PRKCE: variants seen among roughly 807,000 people sequenced by gnomAD.
PRKCE encodes protein kinase C epsilon.
In PRKCE, 16 loss-of-function variants were observed where a neutral mutation model predicts 85.4. The observed-to-expected ratio is 0.19, with a 90% CI of 0.13 to 0.28. PRKCE has a LOEUF of 0.28. Ranked by LOEUF, PRKCE falls within the 10% of genes least tolerant of loss-of-function variation. The pLI, the probability that PRKCE is intolerant of heterozygous loss-of-function variation, is 1.00. For missense variants in PRKCE, 573 were observed against 975.2 expected (o/e 0.59, Z 5.49); for synonymous variants, 388 against 371.5 (o/e 1.04, Z -0.51).
At chr2:45,965,910 A>G (rs1017924277) in intron 2 of PRKCE, among the ~76,000 whole-genome samples, 8 of 151,920 alleles carry the variant, frequency 5.3e-5, no homozygotes, top group Non-Finnish European at 1.0e-4. Context: ...ATTACGTTCC[A>G]TTATGTGGGT....
chr2:45,936,143 G>A (rs141174772), intron 2 of PRKCE, among the ~76,000 whole-genome samples: 7 of 152,276 alleles, frequency 4.6e-5, no homozygotes, highest in Non-Finnish European at 8.8e-5. Flanking sequence ...CTCTGGTCAC[G>A]CCAAGGATGC....
At chr2:45,667,056 A>G (rs926243559) in intron 1 of PRKCE, among the ~76,000 whole-genome samples, 3 of 152,142 alleles carry the variant, frequency 2.0e-5, no homozygotes, top group African/African-American at 7.2e-5. Flanking sequence ...CATGCCTGTA[A>G]TCCCAGCACT....
At chr2:46,156,487 C>T (rs906537480) in intron 13 of PRKCE, among the ~76,000 whole-genome samples, 10 of 152,340 alleles carry the variant, frequency 6.6e-5, no homozygotes, top group Admixed American at 5.9e-4. Context: ...CTCACCACAG[C>T]ACTTGGTACA....
intron 2 of PRKCE, among the ~76,000 whole-genome samples, chr2:45,899,987 G>A (rs1179286736): frequency 6.6e-6 from 1 of 152,210 alleles, no homozygotes; most frequent in Non-Finnish European, 1.5e-5. Context: ...TTAGCTGCTT[G>A]TGACCTCTGA....
chr2:46,151,906 C>T (rs541033694), intron 13 of PRKCE, among the ~76,000 whole-genome samples: 1 of 151,938 alleles, frequency 6.6e-6, no homozygotes, highest in African/African-American at 2.4e-5. Context: ...TTACCTGTCC[C>T]CTTTTGAAAT....
intron 2 of PRKCE, among the ~76,000 whole-genome samples, chr2:45,874,345 G>A (rs564027138): frequency 1.3e-5 from 2 of 152,332 alleles, no homozygotes; most frequent in East Asian, 1.9e-4. Flanking sequence ...CAGGGGCTTC[G>A]TGATGACGCT....
At chr2:46,177,855 T>C (rs1371556705) in intron 14 of PRKCE, among the ~76,000 whole-genome samples, 7 of 152,196 alleles carry the variant, frequency 4.6e-5, no homozygotes, top group African/African-American at 1.7e-4. Context: ...AATGTTAATG[T>C]AATTTAAGGG....
intron 11 of PRKCE, among the ~76,000 whole-genome samples, chr2:46,100,718 A>C (rs1469237873): frequency 3.3e-5 from 5 of 152,248 alleles, no homozygotes; most frequent in Non-Finnish European, 7.3e-5. Flanking sequence ...TTAAGCAGAC[A>C]TTCATTTATT....
rs767147054 is a variant in PRKCE, at chr2:45,830,477, G to GTA, written c.349-12523_349-12522insTA. Among the ~76,000 whole-genome samples the GTA allele has an allele frequency of 1.3e-3, 191 of 152,000 alleles. 2 individuals are homozygous for GTA. The highest frequency in any genetic ancestry group is 6.9e-4 in the Non-Finnish European group (47 of 68,024). On this transcript the variant is annotated intron_variant, in intron 1 of 14. Coordinates refer to ENST00000306156, the MANE Select transcript of PRKCE (RefSeq NM_005400.3). Reference sequence around the variant, plus strand: ...TATGGAATAAAAAGATAAAAGAAATGGATATATATATGTATCACATAGTAA... The same window carrying GTA: ...TATGGAATAAAAAGATAAAAGAAATGTAGATATATATATGTATCACATAGTAA...
intron 1 of PRKCE, among the ~76,000 whole-genome samples, chr2:45,736,889 G>C (rs1456429319): frequency 2.0e-5 from 3 of 152,224 alleles, no homozygotes; most frequent in Admixed American, 6.5e-5. Flanking sequence ...TTTGGTTTAA[G>C]GTGATCAGGG....
At chr2:45,657,639 G>T (rs1675439800) in intron 1 of PRKCE, among the ~76,000 whole-genome samples, 1 of 152,164 alleles carries the variant, frequency 6.6e-6, no homozygotes, top group Admixed American at 6.5e-5. Flanking sequence ...GCTCTCTTCA[G>T]TCTGGCCATC....
intron 2 of PRKCE, among the ~76,000 whole-genome samples, chr2:45,884,651 A>G (rs139127266): frequency 1.3e-5 from 2 of 152,146 alleles, no homozygotes; most frequent in East Asian, 3.9e-4. Flanking sequence ...CTTGTTGGTG[A>G]CTGAGCCAGT....
In PRKCE at chr2:45,775,366, G is replaced by A. The variant is rs181696170; in HGVS notation, c.349-67634G>A. Among the ~76,000 whole-genome samples the A allele has an allele frequency of 4.2e-3, 634 of 152,276 alleles. 19 individuals are homozygous for A. The highest frequency in any genetic ancestry group is 0.037 in the Admixed American group (571 of 15,294). On this transcript the variant is annotated intron_variant, in intron 1 of 14. Coordinates refer to ENST00000306156, the MANE Select transcript of PRKCE (RefSeq NM_005400.3). Reference sequence around the variant, plus strand: ...AAGGTGGACTCCACGCAGTCCGCCCGTTCTCATGCTTCATGCAGTGCTCAC... The same window carrying A: ...AAGGTGGACTCCACGCAGTCCGCCCATTCTCATGCTTCATGCAGTGCTCAC...
chr2:45,749,063 T>C (rs1271994045), intron 1 of PRKCE, among the ~76,000 whole-genome samples: 1 of 152,136 alleles, frequency 6.6e-6, no homozygotes, highest in Non-Finnish European at 1.5e-5. Context: ...CTAATTTTTG[T>C]ATTTTTAGTA....
rs558556058 is a variant in PRKCE at position 45,657,945 on chromosome 2, G to C, written c.348+5497G>C. 2.0e-5 allele frequency among the ~76,000 whole-genome samples: 3 copies of C among 152,336 alleles called. No homozygotes were observed. In the East Asian group the frequency reaches 5.8e-4, roughly 29 times the overall value. On this transcript the variant is annotated intron_variant, in intron 1 of 14. Coordinates refer to ENST00000306156, the MANE Select transcript of PRKCE (RefSeq NM_005400.3). ...CCCGAATGGAGCCTGAGTTAAGCAGGACCCCTGCTGCATCTCCTACAATGG... is the reference window on the plus strand; with the variant it reads ...CCCGAATGGAGCCTGAGTTAAGCAGCACCCCTGCTGCATCTCCTACAATGG...
rs562382145 is a variant in PRKCE, at chr2:45,960,753, T to C, written c.413-15676T>C. Reference sequence around the variant, plus strand: ...AACATCCCGTTTTCAGTGGATTTTATCTTTTGCTTTAGAGATGCCAAGCAC... The same window carrying C: ...AACATCCCGTTTTCAGTGGATTTTACCTTTTGCTTTAGAGATGCCAAGCAC... On this transcript the variant is annotated intron_variant, in intron 2 of 14. Coordinates refer to ENST00000306156, the MANE Select transcript of PRKCE (RefSeq NM_005400.3). 2.0e-5 allele frequency among the ~76,000 whole-genome samples: 3 copies of C among 152,322 alleles called. No homozygotes were observed. The South Asian group carries it at 6.2e-4, about 32-fold the overall frequency.
chr2:45,846,364 G>A (rs1691789872), intron 2 of PRKCE, among the ~76,000 whole-genome samples: 1 of 152,146 alleles, frequency 6.6e-6, no homozygotes, highest in African/African-American at 2.4e-5. Flanking sequence ...CTGACCTGGG[G>A]ACTGATAGGT....
chr2:45,859,250 A>C (rs536615021), intron 2 of PRKCE, among the ~76,000 whole-genome samples: 127 of 151,986 alleles, frequency 8.4e-4, no homozygotes, highest in Middle Eastern at 6.8e-3. Context: ...AGACGTTGGG[A>C]TTACTTTCAA....
At chr2:45,894,796 C>T (rs1696006801) in intron 2 of PRKCE, among the ~76,000 whole-genome samples, 1 of 152,212 alleles carries the variant, frequency 6.6e-6, no homozygotes, top group Admixed American at 6.5e-5. Flanking sequence ...GATCTTGGCT[C>T]ACTGCAACCT....
Sources: gnomAD v4.1 joint callset for allele counts (sites outside exome capture counted in the v4.1 genomes callset) on GRCh38, gnomAD v4.1.1 for gene constraint, MANE v1.5 for transcripts, NCBI Gene and HGNC (gene_info 2026-07-23, HGNC 2026-07-21) for gene names.